Variants in LMBRD2 observed in about 807,000 individuals in gnomAD.
LMBRD2 encodes LMBR1 domain containing 2.
In LMBRD2, 55 loss-of-function variants were observed where a neutral mutation model predicts 94.4. That is an observed-to-expected ratio of 0.58 (90% confidence interval 0.47 to 0.73). The LOEUF (loss-of-function observed/expected upper bound fraction) is 0.73. LMBRD2 is among the 30% of genes least tolerant of loss of function. The probability of loss-of-function intolerance (pLI) is 0.00; values close to 1 mark genes in which losing one functional copy is unlikely to be tolerated. For missense variants in LMBRD2, 640 were observed against 831.9 expected, an observed-to-expected ratio of 0.77 and a Z score of 2.84; for synonymous variants, 246 against 272.4, an observed-to-expected ratio of 0.90 and a Z score of 0.95.
intron 15 of LMBRD2, among the ~76,000 whole-genome samples, chr5:36,108,854 T>C (rs1020674468): frequency 1.3e-5 from 2 of 152,166 alleles, no homozygotes; most frequent in African/African-American, 4.8e-5. Flanking sequence ...ACAAATGACA[T>C]AGAGATATTT....
At position 36,101,945 on chromosome 5, in the gene LMBRD2, T is replaced by C. The variant is rs1743354549; in HGVS notation, c.*2101A>G. On this transcript the variant is annotated 3_prime_UTR_variant, in exon 18 of 18. Coordinates refer to ENST00000296603, the MANE Select transcript of LMBRD2 (RefSeq NM_001007527.2). ...GTTATAAAAGTAATTGGCTAATTTC[T>C]TTTCCTTTTCTGCTTCTGTTTCAAC... The C allele has an allele frequency of 6.6e-6, 1 of 151,930 alleles. No individual in the cohort carries two copies. The highest frequency in any genetic ancestry group is 2.4e-5 in the African/African-American group (1 of 41,434). 9.4% of individuals were successfully genotyped at this position (151,930 alleles called of 1,614,324 possible).
Position 36,117,715 on chromosome 5 carries a change from C to G in LMBRD2, c.1302+20G>C. On this transcript the variant is annotated intron_variant, in intron 10 of 17. Transcript: ENST00000296603. ...ACTATGAAGTGACATCTATTTATGA[C>G]AGACATAAAATAAACTGACCTCGAT... The G allele has an allele frequency of 6.6e-7, 1 of 1,521,160 alleles. No homozygotes were observed. Among genetic ancestry groups the G allele is most frequent in the South Asian group, 1.2e-5 (1 of 84,120 alleles). The allele number at this position is 1,521,160 out of a possible 1,614,324, so 94.2% of individuals were successfully genotyped here.
At chr5:36,135,686 A>G (rs1744254789) in intron 6 of LMBRD2, among the ~76,000 whole-genome samples, 1 of 152,200 alleles carries the variant, frequency 6.6e-6, no homozygotes, top group Non-Finnish European at 1.5e-5. Context: ...GACTACAATA[A>G]TCTCTTTAAA....
At chr5:36,113,225 T>C (rs1452450355) in intron 13 of LMBRD2, among the ~76,000 whole-genome samples, 2 of 152,114 alleles carry the variant, frequency 1.3e-5, no homozygotes, top group African/African-American at 4.8e-5. Context: ...AAAAGCATCG[T>C]GAAAATCCCT....
intron 11 of LMBRD2, 87 bp downstream of exon 11, chr5:36,116,373 A>G: frequency 1.7e-6 from 2 of 1,179,504 alleles, no homozygotes; most frequent in East Asian, 2.4e-5. Flanking sequence ...TGTTAGTGGA[A>G]CACCTGTAAA....
chr5:36,105,201 C>A lies in LMBRD2; in HGVS notation c.1898-4G>T, dbSNP rs866309583. On this transcript the variant is annotated splice_region_variant and splice_polypyrimidine_tract_variant and intron_variant, in intron 16 of 17. Transcript: ENST00000296603. ...GCCCTGGTATATTTGAATGCAGCTG[C>A]AAAGGAAGGGGGAAAAATGTCTACT... The A allele has an allele frequency of 2.5e-6, 4 of 1,611,110 alleles. No individual in the cohort carries two copies. Among genetic ancestry groups the A allele is most frequent in the Middle Eastern group, 3.3e-4 (2 of 6,046 alleles).
chr5:36,135,369 T>C (rs892441387), intron 6 of LMBRD2, among the ~76,000 whole-genome samples: 3 of 152,210 alleles, frequency 2.0e-5, no homozygotes, highest in South Asian at 2.1e-4. Context: ...TTGTTTACTA[T>C]AATTATCACC....
At chr5:36,139,282 C>T (rs557000133) in intron 4 of LMBRD2, among the ~76,000 whole-genome samples, 1 of 152,362 alleles carries the variant, frequency 6.6e-6, no homozygotes, top group Non-Finnish European at 1.5e-5. Context: ...CCGGCTGCCT[C>T]AGCCCACTCT....
chr5:36,149,065 A>C lies in LMBRD2; in HGVS notation c.-58+2491T>G, dbSNP rs1015655950. 2.0e-5 allele frequency among the ~76,000 whole-genome samples: 3 copies of C among 152,196 alleles called. No homozygotes were observed. The East Asian group carries it at 5.8e-4, about 29-fold the overall frequency. ...ATTAGAATCCGTTTGTTCTTGCCCC[A>C]AGCTGCCTATCTTAGAGCATTAAAT... On this transcript the variant is annotated intron_variant, in intron 1 of 17. Transcript: ENST00000296603.
At chr5:36,126,736 TATC>T (rs1258749497) in intron 6 of LMBRD2, among the ~76,000 whole-genome samples, 1 of 152,186 alleles carries the variant, frequency 6.6e-6, no homozygotes, top group African/African-American at 2.4e-5. Flanking sequence ...GAGAGAAACA[TATC>T]ATAAAAATAC....
chr5:36,148,319 C>T (rs768435682), intron 1 of LMBRD2, among the ~76,000 whole-genome samples: 1 of 151,140 alleles, frequency 6.6e-6, no homozygotes, highest in Non-Finnish European at 1.5e-5. Context: ...AACCAGGTAA[C>T]CTGAATTCCA....
At chr5:36,123,545 A>G (rs1743935702) in intron 7 of LMBRD2, among the ~76,000 whole-genome samples, 1 of 152,084 alleles carries the variant, frequency 6.6e-6, no homozygotes, top group Non-Finnish European at 1.5e-5. Flanking sequence ...TCAGTATAAC[A>G]GATTTAAAAT....
intron 6 of LMBRD2, among the ~76,000 whole-genome samples, chr5:36,125,477 T>C (rs544072708): frequency 4.6e-5 from 7 of 152,082 alleles, no homozygotes; most frequent in Non-Finnish European, 8.8e-5. Flanking sequence ...AAAATGGGAA[T>C]ATAGAAAACA....
chr5:36,150,505 A>AT (rs1561526913), intron 1 of LMBRD2, among the ~76,000 whole-genome samples: 2 of 152,210 alleles, frequency 1.3e-5, no homozygotes, highest in African/African-American at 2.4e-5. Flanking sequence ...GGAAACTATA[A>AT]TTTTTTGTGT....
intron 3 of LMBRD2, among the ~76,000 whole-genome samples, chr5:36,141,930 T>A (rs560356011): frequency 6.6e-6 from 1 of 152,272 alleles, no homozygotes; most frequent in East Asian, 1.9e-4. Flanking sequence ...AAAATATGCA[T>A]AAAGAAGCAT....
chr5:36,111,926 G>A (rs1743616716), intron 13 of LMBRD2, among the ~76,000 whole-genome samples: 1 of 151,880 alleles, frequency 6.6e-6, no homozygotes, highest in Non-Finnish European at 1.5e-5. Flanking sequence ...ATAAATGACA[G>A]ACCTAGAATT....
At chr5:36,120,471 G>A (rs1449061047) in intron 9 of LMBRD2, among the ~76,000 whole-genome samples, 1 of 152,164 alleles carries the variant, frequency 6.6e-6, no homozygotes. Context: ...ATGTTGGCCA[G>A]GATGGTCTCA....
At chr5:36,115,251 T>C (rs1021194347) in intron 11 of LMBRD2, 131 bp from the exon 12 acceptor site, 9 of 538,852 alleles carry the variant, frequency 1.7e-5, no homozygotes, top group Non-Finnish European at 2.6e-5. Context: ...TTTATATATA[T>C]ATTGAATTCT....
chr5:36,126,491 T>C (rs1483499737), intron 6 of LMBRD2, among the ~76,000 whole-genome samples: 1 of 152,216 alleles, frequency 6.6e-6, no homozygotes, highest in African/African-American at 2.4e-5. Flanking sequence ...CTTGTCAAAT[T>C]CTTTTCTAAG....
Sources: gnomAD v4.1 joint callset for allele counts (sites outside exome capture counted in the v4.1 genomes callset) on GRCh38, gnomAD v4.1.1 for gene constraint, MANE v1.5 for transcripts, NCBI Gene and HGNC (gene_info 2026-07-23, HGNC 2026-07-21) for gene names.